PTPRD: variants seen among roughly 807,000 people sequenced by gnomAD.
PTPRD encodes receptor-type tyrosine-protein phosphatase delta.
Under a neutral mutation model 214.5 loss-of-function variants are expected in PTPRD, and 34 were observed. That is an observed-to-expected ratio of 0.16 (90% CI 0.12 to 0.21). The LOEUF is 0.21. PTPRD is among the 10% of genes least tolerant of loss of function. The pLI is 1.00. For missense variants in PTPRD, 2,545 were observed against 2,398.7 expected (o/e 1.06, Z -1.27); for synonymous variants, 1,128 against 845.7 (o/e 1.33, Z -5.79).
intron 11 of PTPRD, among the ~76,000 whole-genome samples, chr9:8,941,556 A>G (rs10816011): frequency 0.49 from 74,573 of 151,894 alleles, 18,790 homozygotes; most frequent in East Asian, 0.76. Flanking sequence ...TTTATAAGAC[A>G]AGGAAATAGT....
At chr9:10,180,409 G>C (rs1439275623) in intron 3 of PTPRD, among the ~76,000 whole-genome samples, 1 of 151,646 alleles carries the variant, frequency 6.6e-6, no homozygotes, top group Non-Finnish European at 1.5e-5. Context: ...TGTTCAGTTG[G>C]GTTGAGACAC....
intron 3 of PTPRD, among the ~76,000 whole-genome samples, chr9:10,096,985 T>G (rs1254418701): frequency 2.0e-5 from 3 of 152,164 alleles, no homozygotes; most frequent in South Asian, 2.1e-4. Flanking sequence ...CACCATTTAT[T>G]AAATAGGGAA....
At chr9:8,971,399 C>T (rs1480050623) in intron 11 of PTPRD, among the ~76,000 whole-genome samples, 1 of 151,710 alleles carries the variant, frequency 6.6e-6, no homozygotes, top group Non-Finnish European at 1.5e-5. Context: ...TAAATACTGG[C>T]TTGAGCTTGA....
intron 11 of PTPRD, among the ~76,000 whole-genome samples, chr9:8,864,025 C>G (rs993845468): frequency 1.3e-5 from 2 of 152,102 alleles, no homozygotes; most frequent in East Asian, 3.9e-4. Flanking sequence ...AAGGAACACT[C>G]TACAGAGACC....
At chr9:10,068,139 G>A (rs1159362689) in intron 3 of PTPRD, among the ~76,000 whole-genome samples, 2 of 151,924 alleles carry the variant, frequency 1.3e-5, no homozygotes, top group Non-Finnish European at 2.9e-5. Context: ...AGTTTATAGA[G>A]TTGTTTTTGC....
rs550386247 is a variant in PTPRD, at chr9:10,368,365, T to C, written c.-599-27348A>G. ...AGACTTAGAAATGGATTTTCTTTGC[T>C]AGAGACAGTGATGACACCTTACTTG... is the stretch of plus-strand genomic sequence containing the variant. On this transcript the variant is annotated intron_variant, in intron 2 of 45. Coordinates refer to ENST00000381196, the MANE Select transcript of PTPRD (RefSeq NM_002839.4). Among the ~76,000 whole-genome samples the C allele has an allele frequency of 2.2e-4, 33 of 152,262 alleles. 1 individual carries two copies. The South Asian group carries it at 6.6e-3, about 31-fold the overall frequency.
chr9:9,411,192 A>G (rs1569568089), intron 8 of PTPRD, among the ~76,000 whole-genome samples: 1 of 151,702 alleles, frequency 6.6e-6, no homozygotes, highest in Non-Finnish European at 1.5e-5. Context: ...TTGTGTTCCT[A>G]TTCAATTCCC....
At chr9:9,511,959 A>G (rs1183548898) in intron 8 of PTPRD, among the ~76,000 whole-genome samples, 1 of 151,756 alleles carries the variant, frequency 6.6e-6, no homozygotes, top group Non-Finnish European at 1.5e-5. Flanking sequence ...TACTAGACAC[A>G]TGGTACATAA....
rs1389844462 is a variant in PTPRD at position 8,839,300 on chromosome 9, T to TTTTATTTATTTGTTTA, written c.-103-105355_-103-105354insTAAACAAATAAATAAA. Among the ~76,000 whole-genome samples the TTTTATTTATTTGTTTA allele has an allele frequency of 6.1e-4, 92 of 150,430 alleles. 2 individuals carry two copies. The highest frequency in any genetic ancestry group is 2.1e-3 in the African/African-American group (88 of 41,048). On this transcript the variant is annotated intron_variant, in intron 11 of 45. Transcript: ENST00000381196. The stretch of plus-strand genomic sequence containing the variant: ...ATAATTTTCAGATTGACCAAGGGGA[T>TTTTATTTATTTGTTTA]TTTATTTATTTATTTATTTATTTAT...
chr9:10,605,430 T>G (rs570824073), intron 2 of PTPRD, among the ~76,000 whole-genome samples: 3 of 151,892 alleles, frequency 2.0e-5, no homozygotes, highest in East Asian at 3.9e-4. Context: ...CGGCGTATTT[T>G]TATCATGCTT....
At chr9:9,468,649 C>T (rs1019062570) in intron 8 of PTPRD, among the ~76,000 whole-genome samples, 3 of 151,860 alleles carry the variant, frequency 2.0e-5, no homozygotes, top group Non-Finnish European at 4.4e-5. Flanking sequence ...AAACCCAGTA[C>T]TTTTTTTGTT....
At chr9:8,705,625 TTAAG>T (rs1169923353) in intron 12 of PTPRD, among the ~76,000 whole-genome samples, 1 of 152,214 alleles carries the variant, frequency 6.6e-6, no homozygotes, top group Non-Finnish European at 1.5e-5. Flanking sequence ...TATCTGCTTC[TTAAG>T]TTAGACAGCA....
At chr9:9,411,707 G>A (rs945547209) in intron 8 of PTPRD, among the ~76,000 whole-genome samples, 2 of 152,302 alleles carry the variant, frequency 1.3e-5, no homozygotes, top group African/African-American at 4.8e-5. Context: ...GGCAAATGGC[G>A]AGAATGCCTG....
At chr9:9,298,251 T>C (rs960983004) in intron 9 of PTPRD, among the ~76,000 whole-genome samples, 1 of 151,680 alleles carries the variant, frequency 6.6e-6, no homozygotes, top group Non-Finnish European at 1.5e-5. Context: ...AGCAGAGTTT[T>C]ATCTTTTATT....
At chr9:9,734,870 A>G (rs1332546037) in intron 6 of PTPRD, among the ~76,000 whole-genome samples, 2 of 152,062 alleles carry the variant, frequency 1.3e-5, no homozygotes, top group Admixed American at 1.3e-4. Context: ...GTTCTCAAAG[A>G]AGGGAGATTA....
intron 9 of PTPRD, among the ~76,000 whole-genome samples, chr9:9,195,971 T>G (rs1220749151): frequency 6.6e-6 from 1 of 152,146 alleles, no homozygotes; most frequent in Non-Finnish European, 1.5e-5. Flanking sequence ...TTCTCTTACC[T>G]AAATTATTTT....
chr9:8,452,398 G>C (rs1483912675), intron 33 of PTPRD, among the ~76,000 whole-genome samples: 1 of 152,044 alleles, frequency 6.6e-6, no homozygotes, highest in African/African-American at 2.4e-5. Context: ...GGTCATCATT[G>C]GTAATAATAC....
chr9:9,346,921 G>A (rs146793797), intron 9 of PTPRD, among the ~76,000 whole-genome samples: 1 of 152,060 alleles, frequency 6.6e-6, no homozygotes, highest in African/African-American at 2.4e-5. Flanking sequence ...TCAAACTCCT[G>A]ATCTCTGGTG....
At chr9:8,725,618 G>C (rs1201314437) in intron 12 of PTPRD, among the ~76,000 whole-genome samples, 1 of 152,078 alleles carries the variant, frequency 6.6e-6, no homozygotes, top group African/African-American at 2.4e-5. Flanking sequence ...AGAAAAAAAG[G>C]CATAATAGCA....
Sources: allele counts gnomAD v4.1 joint callset (sites outside exome capture counted in the v4.1 genomes callset), GRCh38; gene constraint gnomAD v4.1.1; transcripts MANE v1.5; gene names NCBI Gene and HGNC (gene_info 2026-07-23, HGNC 2026-07-21).